The following CCDC146 variants were observed in gnomAD, a reference collection of about 807,000 sequenced individuals.
CCDC146 encodes coiled-coil domain-containing protein 146.
A neutral mutation model predicts 119.3 loss-of-function variants in CCDC146; 92 were observed. That is an observed-to-expected ratio of 0.77 (90% CI 0.65 to 0.92). The LOEUF is 0.92. Ranked by LOEUF, CCDC146 falls within the 40% of genes least tolerant of loss-of-function variation. The pLI is 0.00. For missense variants in CCDC146, 1,000 were observed against 1,103.0 expected, an observed-to-expected ratio of 0.91 and a Z score of 1.32; for synonymous variants, 372 against 371.8, an observed-to-expected ratio of 1.00 and a Z score of -0.01.
chr7:77,132,553 CAAAAAAAA>C, intron 1 of CCDC146, among the ~76,000 whole-genome samples: 1 of 107,148 alleles, frequency 9.3e-6, no homozygotes, highest in Non-Finnish European at 1.8e-5. Flanking sequence ...TCGATCTCTA[CAAAAAAAA>C]AAAAAAAAAA....
intron 1 of CCDC146, among the ~76,000 whole-genome samples, chr7:77,142,521 C>T (rs1317085395): frequency 2.0e-5 from 3 of 151,942 alleles, no homozygotes; most frequent in Admixed American, 6.6e-5. Flanking sequence ...CCCATTAACT[C>T]ATCATTTACA....
intron 17 of CCDC146, 61 bp downstream of exon 17, chr7:77,287,638 C>T: frequency 6.5e-7 from 1 of 1,548,620 alleles, no homozygotes; most frequent in Non-Finnish European, 8.8e-7. Flanking sequence ...TTTTATTTTC[C>T]ACAGACCGAC....
At chr7:77,285,379 T>A (rs879223139) in intron 15 of CCDC146, among the ~76,000 whole-genome samples, 2 of 152,210 alleles carry the variant, frequency 1.3e-5, no homozygotes, top group Admixed American at 1.3e-4. Context: ...CAATTCTATA[T>A]TAAGGACATT....
In CCDC146 at chr7:77,256,400, A is replaced by G. The variant is rs759072593; in HGVS notation, c.575A>G (p.Lys192Arg). The G allele has an allele frequency of 1.2e-6, 2 of 1,606,042 alleles. No individual in the cohort carries two copies. The highest frequency in any genetic ancestry group is 8.5e-7 in the Non-Finnish European group (1 of 1,176,184). Residue 192 changes from lysine to arginine, a missense_variant, in exon 6 of 19, where the codon AAG (lysine) becomes AGG (arginine). Lys to Arg is a conservative substitution (Grantham distance 26, BLOSUM62 2). Around this residue, in one of 2 missense-constraint regions of CCDC146, gnomAD observed 985 missense variants for 1,045.3 expected, o/e 0.94. Transcript: ENST00000285871. ...GAATTACGTAAAGAAATAATGCAGA[A>G]GAAATTAGAAATTAAAAATTTACGA... ...TEELRKEIMQ[K>R]KLEIKNLRED...
intron 6 of CCDC146, among the ~76,000 whole-genome samples, chr7:77,256,935 C>T (rs1262014001): frequency 6.6e-6 from 1 of 152,130 alleles, no homozygotes; most frequent in Non-Finnish European, 1.5e-5. Flanking sequence ...GAAACCCTGT[C>T]TCTACTAAAA....
chr7:77,285,371 A>G (rs1447128139), intron 15 of CCDC146, among the ~76,000 whole-genome samples: 1 of 152,248 alleles, frequency 6.6e-6, no homozygotes, highest in Non-Finnish European at 1.5e-5. Flanking sequence ...GTACACTTCA[A>G]TTCTATATTA....
intron 9 of CCDC146, among the ~76,000 whole-genome samples, chr7:77,266,799 A>G (rs1158948414): frequency 6.6e-6 from 1 of 152,066 alleles, no homozygotes; most frequent in African/African-American, 2.4e-5. Flanking sequence ...ACAAATTTAT[A>G]TTCTTAAGTG....
At chr7:77,263,849 G>A (rs947268098) in intron 9 of CCDC146, among the ~76,000 whole-genome samples, 14 of 152,254 alleles carry the variant, frequency 9.2e-5, no homozygotes, top group Non-Finnish European at 1.8e-4. Flanking sequence ...GCTTGAACCC[G>A]GGAGGCGGAG....
At chr7:77,187,532 ACT>A (rs2150421127) in intron 2 of CCDC146, among the ~76,000 whole-genome samples, 1 of 152,194 alleles carries the variant, frequency 6.6e-6, no homozygotes, top group Non-Finnish European at 1.5e-5. Context: ...CCTCAGCGCC[ACT>A]CTCAGTTACC....
chr7:77,208,966 T>G (rs1302211178), intron 2 of CCDC146, among the ~76,000 whole-genome samples: 2 of 152,234 alleles, frequency 1.3e-5, no homozygotes, highest in Non-Finnish European at 2.9e-5. Context: ...CCCAAAGTGC[T>G]GGGATTACAG....
chr7:77,187,463 A>G (rs1362676425), intron 2 of CCDC146, among the ~76,000 whole-genome samples: 1 of 152,222 alleles, frequency 6.6e-6, no homozygotes, highest in African/African-American at 2.4e-5. Flanking sequence ...TTTTGTTTAA[A>G]AAATTTCCCC....
intron 2 of CCDC146, among the ~76,000 whole-genome samples, chr7:77,170,206 C>T (rs867076676): frequency 1.8e-4 from 27 of 152,116 alleles, no homozygotes; most frequent in African/African-American, 6.0e-4. Context: ...ATAGCTCCCA[C>T]TTATAAATGA....
chr7:77,209,318 G>A (rs911756296), intron 2 of CCDC146, among the ~76,000 whole-genome samples: 1 of 152,184 alleles, frequency 6.6e-6, no homozygotes, highest in African/African-American at 2.4e-5. Flanking sequence ...AACCCAGCAG[G>A]GCAGTCATTA....
chr7:77,234,587 T>A (rs1792698225), intron 2 of CCDC146, among the ~76,000 whole-genome samples: 1 of 151,982 alleles, frequency 6.6e-6, no homozygotes, highest in South Asian at 2.1e-4. Flanking sequence ...TACAAAAAAT[T>A]AGCCAGGTGT....
At chr7:77,172,517 C>T (rs2117498076) in intron 2 of CCDC146, among the ~76,000 whole-genome samples, 1 of 152,320 alleles carries the variant, frequency 6.6e-6, no homozygotes, top group African/African-American at 2.4e-5. Flanking sequence ...GTTGTCCCAG[C>T]ACTGCCAAGT....
At position 77,132,557 on chromosome 7, in the gene CCDC146, A is replaced by AG. The variant is rs906208866; in HGVS notation, c.-12+9825_-12+9826insG. On this transcript the variant is annotated intron_variant, in intron 1 of 18. Transcript: ENST00000285871. The stretch of plus-strand genomic sequence containing the variant: ...CATAGTGAGTCTCGATCTCTACAAA[A>AG]AAAAAAAAAAAAAAGAAAGAAAGAA... Among the ~76,000 whole-genome samples the AG allele has an allele frequency of 5.5e-5, 8 of 145,306 alleles. No individual in the cohort carries two copies. The East Asian group carries it at 9.8e-4, about 18-fold the overall frequency.
intron 2 of CCDC146, chr7:77,199,887 G>GA: frequency 7.0e-7 from 1 of 1,427,896 alleles, no homozygotes; most frequent in Non-Finnish European, 9.4e-7. Flanking sequence ...GTGTTCCCAG[G>GA]AAAGGGTGGG....
intron 1 of CCDC146, among the ~76,000 whole-genome samples, chr7:77,139,236 A>C (rs1790900448): frequency 6.6e-6 from 1 of 152,254 alleles, no homozygotes; most frequent in African/African-American, 2.4e-5. Flanking sequence ...AGTGCATATT[A>C]CTAAGTGAAA....
At chr7:77,156,347 T>G (rs973625609) in intron 1 of CCDC146, among the ~76,000 whole-genome samples, 1 of 152,204 alleles carries the variant, frequency 6.6e-6, no homozygotes, top group African/African-American at 2.4e-5. Flanking sequence ...TCTGTACATA[T>G]TTACTGCAAG....
Sources: allele counts gnomAD v4.1 joint callset (sites outside exome capture counted in the v4.1 genomes callset), GRCh38; gene constraint gnomAD v4.1.1; regional missense constraint gnomAD v4.1.1; transcripts MANE v1.5; gene names NCBI Gene and HGNC (gene_info 2026-07-23, HGNC 2026-07-21).